DNAH14: variants seen among roughly 807,000 people sequenced by gnomAD.
DNAH14 encodes the protein dynein axonemal heavy chain 14.
In DNAH14, 478 loss-of-function variants were observed where a neutral mutation model predicts 520.9. That is an observed-to-expected ratio of 0.92 (90% CI 0.85 to 0.99). DNAH14 has a LOEUF of 0.99. DNAH14 is among the 50% of genes least tolerant of loss of function. DNAH14 has a pLI of 0.00. For missense variants in DNAH14, 4,831 were observed against 5,234.5 expected, an observed-to-expected ratio of 0.92 and a Z score of 2.38; for synonymous variants, 1,581 against 1,757.2, an observed-to-expected ratio of 0.90 and a Z score of 2.51.
chr1:225,113,161 T>A (rs78714220), intron 23 of DNAH14, among the ~76,000 whole-genome samples: 8,024 of 152,252 alleles, frequency 0.053, 326 homozygotes, highest in Non-Finnish European at 0.078. Context: ...TGTTACTATC[T>A]ATGTTATTGC....
intron 37 of DNAH14, among the ~76,000 whole-genome samples, chr1:225,190,933 C>A (rs1390808711): frequency 6.6e-6 from 1 of 152,044 alleles, no homozygotes; most frequent in Non-Finnish European, 1.5e-5. Context: ...ATACCAACTT[C>A]ACTTCAATAG....
At chr1:225,113,359 G>T (rs2076623866) in intron 23 of DNAH14, among the ~76,000 whole-genome samples, 1 of 152,276 alleles carries the variant, frequency 6.6e-6, no homozygotes, top group African/African-American at 2.4e-5. Flanking sequence ...GTGCTGAGCT[G>T]CCTGGAACTG....
At chr1:225,185,946 G>GTT (rs11443248) in intron 37 of DNAH14, among the ~76,000 whole-genome samples, 41,060 of 98,648 alleles carry the variant, frequency 0.42, 10,577 homozygotes, top group South Asian at 0.56. Context: ...ATTACACTTT[G>GTT]TTTTTTTTTT....
intron 48 of DNAH14, among the ~76,000 whole-genome samples, chr1:225,266,172 C>T (rs1413834355): frequency 6.6e-6 from 1 of 152,082 alleles, no homozygotes; most frequent in Non-Finnish European, 1.5e-5. Flanking sequence ...GCATTTGCAG[C>T]AGAATTTTTT....
At chr1:225,168,541 C>G (rs1244709002) in intron 36 of DNAH14, among the ~76,000 whole-genome samples, 1 of 152,224 alleles carries the variant, frequency 6.6e-6, no homozygotes, top group Non-Finnish European at 1.5e-5. Context: ...ACCCACGGAG[C>G]CTCACTCATG....
chr1:224,945,838 C>A (rs201108992), intron 1 of DNAH14, among the ~76,000 whole-genome samples: 2 of 152,288 alleles, frequency 1.3e-5, no homozygotes, highest in African/African-American at 4.8e-5. Flanking sequence ...GCTGCCTGAT[C>A]GTTCCTCTGG....
chr1:225,334,142 CA>C (rs1442121823), intron 66 of DNAH14, among the ~76,000 whole-genome samples: 3 of 152,084 alleles, frequency 2.0e-5, no homozygotes. Flanking sequence ...GTTCCAGTAA[CA>C]AGTCTAAGAT....
chr1:225,100,863 AC>A lies in DNAH14; in HGVS notation c.3847del (p.His1283IlefsTer2). ...ILQNCNIHLE[H>X]IKKSLEDYLE... Reference sequence around the variant, plus strand: ...TGCAAAATTGTAATATACATCTTGAACATATAAAGAAAAGCCTTGAGGTAAA... The same window carrying A: ...TGCAAAATTGTAATATACATCTTGAAATATAAAGAAAAGCCTTGAGGTAAA... On this transcript the variant is annotated frameshift_variant, in exon 23 of 86. Coordinates refer to ENST00000682510, the MANE Select transcript of DNAH14 (RefSeq NM_001367479.1). LOFTEE classifies it high-confidence loss of function. The A allele has an allele frequency of 6.6e-7, 1 of 1,507,566 alleles. No homozygotes were observed. Among genetic ancestry groups the A allele is most frequent in the Non-Finnish European group, 8.8e-7 (1 of 1,134,728 alleles). 93.4% of individuals were successfully genotyped at this position (1,507,566 alleles called of 1,614,324 possible).
intron 50 of DNAH14, 101 bp from the exon 51 acceptor site, chr1:225,271,805 C>A: frequency 2.4e-6 from 2 of 841,660 alleles, no homozygotes; most frequent in South Asian, 2.0e-5. Context: ...GAAATTAATC[C>A]TCCATTATAG....
intron 11 of DNAH14, among the ~76,000 whole-genome samples, chr1:225,034,460 A>G (rs180720108): frequency 5.3e-5 from 8 of 151,342 alleles, no homozygotes; most frequent in Admixed American, 3.3e-4. Flanking sequence ...TTCAGTTTGC[A>G]GGTATTTTGT....
At chr1:225,289,854 T>A in intron 54 of DNAH14, 31 bp from the exon 55 acceptor site, 1 of 1,273,050 alleles carries the variant, frequency 7.9e-7, no homozygotes, top group South Asian at 3.1e-5. Context: ...AGAAAATGTA[T>A]GTCATGTGTT....
rs202241371 is a variant in DNAH14 at position 225,045,054 on chromosome 1, G to A, written c.1912+1071G>A. Reference sequence around the variant, plus strand: ...CTAGTAATTTATCATTTGGAGTTACGAACTTTTCTATAATAAAGCCATATA... The same window carrying A: ...CTAGTAATTTATCATTTGGAGTTACAAACTTTTCTATAATAAAGCCATATA... On this transcript the variant is annotated intron_variant, in intron 15 of 85. Coordinates refer to ENST00000682510, the MANE Select transcript of DNAH14 (RefSeq NM_001367479.1). 1.1e-4 allele frequency among the ~76,000 whole-genome samples: 16 copies of A among 151,988 alleles called. No individual in the cohort carries two copies. The East Asian group carries it at 2.3e-3, about 22-fold the overall frequency.
At chr1:224,972,873 G>A (rs1173260189) in intron 7 of DNAH14, among the ~76,000 whole-genome samples, 2 of 152,124 alleles carry the variant, frequency 1.3e-5, no homozygotes, top group Non-Finnish European at 2.9e-5. Flanking sequence ...ACTTAAGCTG[G>A]TGATGCCAGT....
chr1:224,945,077 C>A (rs1446617822), intron 1 of DNAH14, among the ~76,000 whole-genome samples: 17 of 152,214 alleles, frequency 1.1e-4, no homozygotes, highest in Non-Finnish European at 5.9e-5. Context: ...GTATAATATC[C>A]TGCAGAGTGT....
intron 17 of DNAH14, among the ~76,000 whole-genome samples, chr1:225,072,256 C>T (rs1384621967): frequency 6.6e-6 from 1 of 152,094 alleles, no homozygotes; most frequent in Non-Finnish European, 1.5e-5. Context: ...TCTCTTTATT[C>T]TTGTCTGCTT....
At chr1:225,315,946 G>T (rs1375259801) in intron 60 of DNAH14, among the ~76,000 whole-genome samples, 4 of 152,128 alleles carry the variant, frequency 2.6e-5, no homozygotes, top group African/African-American at 4.8e-5. Context: ...GCAGAGCTGC[G>T]GCCACAGCTG....
intron 9 of DNAH14, among the ~76,000 whole-genome samples, chr1:225,005,818 G>A (rs149577040): frequency 4.9e-4 from 74 of 152,184 alleles, no homozygotes; most frequent in African/African-American, 1.5e-3. Context: ...TAATATACAC[G>A]CATGTATGGA....
intron 16 of DNAH14, among the ~76,000 whole-genome samples, chr1:225,050,893 C>T (rs1034060900): frequency 2.0e-5 from 3 of 152,196 alleles, no homozygotes; most frequent in Non-Finnish European, 2.9e-5. Context: ...CTCAGTTCAT[C>T]AGGCATTAGT....
chr1:224,972,691 T>G (rs1220936772), intron 7 of DNAH14, among the ~76,000 whole-genome samples: 1 of 152,134 alleles, frequency 6.6e-6, no homozygotes, highest in Non-Finnish European at 1.5e-5. Context: ...GGTCTCGATC[T>G]CCTGACCTTG....
Sources: allele counts gnomAD v4.1 joint callset (sites outside exome capture counted in the v4.1 genomes callset), GRCh38; gene constraint gnomAD v4.1.1; transcripts MANE v1.5; gene names NCBI Gene and HGNC (gene_info 2026-07-23, HGNC 2026-07-21).